SNX24: variants seen among roughly 807,000 people sequenced by gnomAD.
SNX24 encodes the protein sorting nexin 24, also known as sorting nexin-24.
Under a neutral mutation model 28.7 loss-of-function variants are expected in SNX24, and 22 were observed. That is an observed-to-expected ratio of 0.77 (90% CI 0.55 to 1.10). The LOEUF is 1.10. Among genes scored for constraint, SNX24 ranks in the 50% least tolerant of loss-of-function variants. SNX24 has a pLI of 0.00. For synonymous variants in SNX24, 69 were observed against 71.5 expected (o/e 0.96, Z 0.18); for missense variants, 221 against 201.1 (o/e 1.10, Z -0.60).
chr5:123,023,604 G>T, intron 5 of SNX24: 1 of 246,338 alleles, frequency 4.1e-6, no homozygotes, highest in Non-Finnish European at 7.5e-6. Context: ...TAAAAAAATA[G>T]CCAATTCAAA....
chr5:122,979,022 C>A (rs1296603747), intron 3 of SNX24, among the ~76,000 whole-genome samples: 1 of 152,012 alleles, frequency 6.6e-6, no homozygotes, highest in East Asian at 1.9e-4. Flanking sequence ...GTGTAATCTA[C>A]AGGGTAAATG....
intron 1 of SNX24, among the ~76,000 whole-genome samples, chr5:122,919,332 T>C (rs1233781155): frequency 6.6e-5 from 10 of 152,222 alleles, no homozygotes; most frequent in Non-Finnish European, 8.8e-5. Context: ...AGGTCTGATT[T>C]AGATACAAGT....
At chr5:122,989,933 C>T (rs1328095963) in intron 3 of SNX24, among the ~76,000 whole-genome samples, 2 of 152,118 alleles carry the variant, frequency 1.3e-5, no homozygotes, top group African/African-American at 4.8e-5. Flanking sequence ...GTAGACAGCC[C>T]TAATTTCTCA....
At chr5:122,901,078 G>A (rs2150079540) in intron 1 of SNX24, among the ~76,000 whole-genome samples, 1 of 151,894 alleles carries the variant, frequency 6.6e-6, no homozygotes, top group Admixed American at 6.6e-5. Flanking sequence ...GTGCACGCCT[G>A]TAATCCCAGC....
intron 3 of SNX24, among the ~76,000 whole-genome samples, chr5:122,970,249 T>C (rs1760900630): frequency 6.6e-6 from 1 of 150,566 alleles, no homozygotes; most frequent in African/African-American, 2.5e-5. Context: ...TTTGAAGATA[T>C]TCTTCCTAGA....
intron 1 of SNX24, among the ~76,000 whole-genome samples, chr5:122,924,180 G>C (rs377316): frequency 0.77 from 117,188 of 152,160 alleles, 46,011 homozygotes; most frequent in East Asian, 0.99. Context: ...CCTATATACA[G>C]ACACCTGTGA....
At chr5:123,027,051 G>A (rs4997240) in intron 5 of SNX24, among the ~76,000 whole-genome samples, 2,467 of 152,150 alleles carry the variant, frequency 0.016, 59 homozygotes, top group African/African-American at 0.042. Context: ...AAAATCAGCC[G>A]GGCATGGTGG....
At chr5:122,891,343 T>C (rs1756958815) in intron 1 of SNX24, among the ~76,000 whole-genome samples, 2 of 152,200 alleles carry the variant, frequency 1.3e-5, no homozygotes, top group African/African-American at 4.8e-5. Context: ...AGTTACCAAA[T>C]GATATGTACA....
intron 3 of SNX24, among the ~76,000 whole-genome samples, chr5:122,968,920 G>C (rs1760831620): frequency 6.6e-6 from 1 of 151,502 alleles, no homozygotes; most frequent in African/African-American, 2.4e-5. Flanking sequence ...CTTGATATCA[G>C]GTATAATTAA....
At chr5:123,015,924 A>C (rs1264631700) in intron 5 of SNX24, among the ~76,000 whole-genome samples, 2 of 152,186 alleles carry the variant, frequency 1.3e-5, no homozygotes, top group East Asian at 3.9e-4. Context: ...AGCAAATAAC[A>C]GGATGACTGG....
intron 1 of SNX24, among the ~76,000 whole-genome samples, chr5:122,868,453 G>T (rs955029883): frequency 6.6e-6 from 1 of 152,086 alleles, no homozygotes; most frequent in African/African-American, 2.4e-5. Context: ...TATTCATAGA[G>T]GTAGGCAGGG....
chr5:122,992,284 A>G (rs1193058971), intron 3 of SNX24, among the ~76,000 whole-genome samples: 1 of 152,178 alleles, frequency 6.6e-6, no homozygotes, highest in Non-Finnish European at 1.5e-5. Context: ...AGTTGTAGTC[A>G]AAATACAAAT....
At chr5:122,890,919 A>G in intron 1 of SNX24, 1 of 1,128,452 alleles carries the variant, frequency 8.9e-7, no homozygotes, top group Non-Finnish European at 1.1e-6. Flanking sequence ...GTTAATTAAA[A>G]TTTTTATCCC....
At chr5:123,004,276 T>G (rs1196706776) in intron 6 of SNX24, among the ~76,000 whole-genome samples, 1 of 152,234 alleles carries the variant, frequency 6.6e-6, no homozygotes, top group Non-Finnish European at 1.5e-5. Context: ...ATTTGCCTTT[T>G]GGTCTTTGTT....
intron 1 of SNX24, among the ~76,000 whole-genome samples, chr5:122,895,828 A>G (rs10044462): frequency 0.36 from 55,004 of 151,994 alleles, 10,604 homozygotes; most frequent in African/African-American, 0.46. Flanking sequence ...ACAAACAAAA[A>G]TGCAGCAGTA....
chr5:122,971,294 A>C (rs1760946827), intron 3 of SNX24, among the ~76,000 whole-genome samples: 1 of 152,196 alleles, frequency 6.6e-6, no homozygotes, highest in Non-Finnish European at 1.5e-5. Context: ...GCGCTGGCAG[A>C]TGATCACATG....
At chr5:122,953,209 A>T (rs914383384) in intron 3 of SNX24, among the ~76,000 whole-genome samples, 1 of 151,194 alleles carries the variant, frequency 6.6e-6, no homozygotes, top group African/African-American at 2.4e-5. Context: ...GGTTCAAGTG[A>T]TTCTCCTGCC....
intron 3 of SNX24, among the ~76,000 whole-genome samples, chr5:122,971,424 G>A (rs915496002): frequency 1.1e-4 from 17 of 152,040 alleles, no homozygotes; most frequent in African/African-American, 3.9e-4. Flanking sequence ...CTTGAACCCA[G>A]TCAAATTGAC....
chr5:122,948,218 A>C (rs879444472), intron 3 of SNX24, among the ~76,000 whole-genome samples: 2 of 152,208 alleles, frequency 1.3e-5, no homozygotes, highest in Non-Finnish European at 2.9e-5. Context: ...TGCAAATCCT[A>C]GCCTAGGTGT....
Sources: allele counts gnomAD v4.1 joint callset (sites outside exome capture counted in the v4.1 genomes callset), GRCh38; gene constraint gnomAD v4.1.1; transcripts MANE v1.5; gene names NCBI Gene and HGNC (gene_info 2026-07-23, HGNC 2026-07-21).